Variants in KLHL29 observed in about 807,000 individuals in gnomAD.
KLHL29 encodes the protein kelch-like protein 29.
Under a neutral mutation model 80.4 loss-of-function variants are expected in KLHL29, and 21 were observed. The observed-to-expected ratio is 0.26, with a 90% CI of 0.19 to 0.38. The LOEUF (loss-of-function observed/expected upper bound fraction) is 0.38. KLHL29 is among the 10% of genes least tolerant of loss of function. The probability of loss-of-function intolerance (pLI) is 1.00; values close to 1 mark genes in which losing one functional copy is unlikely to be tolerated. For missense variants in KLHL29, 867 were observed against 1,223.9 expected (o/e 0.71, Z 4.35); for synonymous variants, 511 against 526.8 (o/e 0.97, Z 0.41).
intron 2 of KLHL29, among the ~76,000 whole-genome samples, chr2:23,550,909 T>C (rs1045794319): frequency 6.6e-6 from 1 of 152,186 alleles, no homozygotes; most frequent in African/African-American, 2.4e-5. Flanking sequence ...GAGGCGGCCC[T>C]GGGAGGGGGT....
intron 5 of KLHL29, among the ~76,000 whole-genome samples, chr2:23,674,057 T>C (rs1324164087): frequency 6.6e-6 from 1 of 152,218 alleles, no homozygotes; most frequent in Non-Finnish European, 1.5e-5. Flanking sequence ...AGTCTTCCCT[T>C]GACTCCGTCA....
chr2:23,555,747 A>T (rs972102037), intron 2 of KLHL29, among the ~76,000 whole-genome samples: 1 of 152,204 alleles, frequency 6.6e-6, no homozygotes, highest in Non-Finnish European at 1.5e-5. Flanking sequence ...GAGATAAGTG[A>T]TGGGAGGGAA....
At chr2:23,657,694 T>C (rs1670284033) in intron 5 of KLHL29, among the ~76,000 whole-genome samples, 1 of 152,188 alleles carries the variant, frequency 6.6e-6, no homozygotes, top group South Asian at 2.1e-4. Flanking sequence ...AGGTTGGGAC[T>C]CCCTGAGAGA....
intron 3 of KLHL29, among the ~76,000 whole-genome samples, chr2:23,584,583 A>G (rs1191347296): frequency 2.6e-5 from 4 of 152,180 alleles, no homozygotes; most frequent in Non-Finnish European, 1.5e-5. Context: ...GCGACATTGT[A>G]ATCCCAAACT....
chr2:23,627,089 C>T (rs1669333501), intron 3 of KLHL29, among the ~76,000 whole-genome samples: 1 of 152,154 alleles, frequency 6.6e-6, no homozygotes, highest in African/African-American at 2.4e-5. Flanking sequence ...TATCTATCTG[C>T]CCCAAGAGGG....
intron 1 of KLHL29, among the ~76,000 whole-genome samples, chr2:23,455,508 T>A (rs1664024543): frequency 6.6e-6 from 1 of 152,218 alleles, no homozygotes; most frequent in South Asian, 2.1e-4. Flanking sequence ...TTGTGAATTT[T>A]ATTTGCCTTT....
intron 2 of KLHL29, among the ~76,000 whole-genome samples, chr2:23,556,299 G>A (rs2879580): frequency 0.54 from 82,358 of 151,744 alleles, 22,664 homozygotes; most frequent in Admixed American, 0.6. Context: ...GACCCCCCTC[G>A]CGGAGGCGCA....
At chr2:23,581,502 C>T (rs1039422369) in intron 3 of KLHL29, among the ~76,000 whole-genome samples, 2 of 152,146 alleles carry the variant, frequency 1.3e-5, no homozygotes, top group Non-Finnish European at 2.9e-5. Context: ...TGGCCACGCA[C>T]ACCTGGTACT....
Position 23,693,500 on chromosome 2 carries a change from T to G in KLHL29, c.1514T>G (p.Ile505Ser), listed in dbSNP as rs1671751893. ...ELVYETVIKWIKKDPATRTQY... is the reference protein window; with the variant it reads ...ELVYETVIKWSKKDPATRTQY... ...GTGTACGAGACAGTCATCAAGTGGATCAAGAAGGACCCCGCGACACGCACA... is the reference window on the plus strand; with the variant it reads ...GTGTACGAGACAGTCATCAAGTGGAGCAAGAAGGACCCCGCGACACGCACA... The change falls in exon 8 of 14, where the codon ATC becomes AGC. Residue 505 changes from isoleucine to serine, a missense_variant. Ile to Ser is a moderately radical substitution (Grantham distance 142). Coordinates refer to ENST00000486442, the MANE Select transcript of KLHL29 (RefSeq NM_052920.2). 6.4e-7 allele frequency: 1 copy of G among 1,551,056 alleles called. No homozygotes were observed. Among genetic ancestry groups the G allele is most frequent in the African/African-American group, 1.4e-5 (1 of 72,982 alleles).
At position 23,488,003 on chromosome 2, in the gene KLHL29, C is replaced by T. The variant is rs1450974572; in HGVS notation, c.-46+12336C>T. 8.5e-5 allele frequency among the ~76,000 whole-genome samples: 13 copies of T among 152,152 alleles called. No individual in the cohort carries two copies. In the East Asian group the frequency reaches 1.3e-3, roughly 16 times the overall value. ...CCCCTTCTAGCCTTTTAACCTCCTA[C>T]GGCCAGTGATGTGGTCAGGACTGGC... On this transcript the variant is annotated intron_variant, in intron 2 of 13. Transcript: ENST00000486442.
At chr2:23,428,733 G>C (rs1358584154) in intron 1 of KLHL29, among the ~76,000 whole-genome samples, 2 of 152,286 alleles carry the variant, frequency 1.3e-5, no homozygotes, top group African/African-American at 4.8e-5. Context: ...AAACCTGAGG[G>C]CTGAATTGGA....
chr2:23,705,503 AG>A (rs1235603199), intron 13 of KLHL29, among the ~76,000 whole-genome samples: 1 of 152,070 alleles, frequency 6.6e-6, no homozygotes, highest in Non-Finnish European at 1.5e-5. Flanking sequence ...AAAAAAAAAA[AG>A]AATGGGAAAG....
intron 2 of KLHL29, among the ~76,000 whole-genome samples, chr2:23,508,395 G>A (rs1308405866): frequency 6.6e-6 from 1 of 152,232 alleles, no homozygotes; most frequent in African/African-American, 2.4e-5. Context: ...AATGCTGCCC[G>A]ATGGGACCTC....
At chr2:23,632,181 T>C (rs1290135654) in intron 3 of KLHL29, among the ~76,000 whole-genome samples, 1 of 152,264 alleles carries the variant, frequency 6.6e-6, no homozygotes, top group Non-Finnish European at 1.5e-5. Flanking sequence ...TCTTGGAATC[T>C]GCTCTCAGTG....
At position 23,692,788 on chromosome 2, in the gene KLHL29, C is replaced by T. The variant is rs112285648; in HGVS notation, c.1283-481C>T. On this transcript the variant is annotated intron_variant, in intron 7 of 13. Coordinates refer to ENST00000486442, the MANE Select transcript of KLHL29 (RefSeq NM_052920.2). ...TGGCCAGATGGACCCCAGAGCCTAG[C>T]GAGCCAGATTGAGTGGGGCAGAAGC... is the stretch of plus-strand genomic sequence containing the variant. Among the ~76,000 whole-genome samples the T allele has an allele frequency of 3.2e-3, 492 of 152,142 alleles. 6 individuals carry two copies. Among genetic ancestry groups the T allele is most frequent in the African/African-American group, 0.011 (472 of 41,494 alleles).
At chr2:23,705,027 C>G (rs993746292) in intron 13 of KLHL29, among the ~76,000 whole-genome samples, 5 of 152,236 alleles carry the variant, frequency 3.3e-5, no homozygotes, top group Non-Finnish European at 5.9e-5. Flanking sequence ...CAGACAACTG[C>G]TAAGCTCCTG....
At chr2:23,489,147 G>A (rs1032270874) in intron 2 of KLHL29, among the ~76,000 whole-genome samples, 4 of 152,170 alleles carry the variant, frequency 2.6e-5, no homozygotes, top group African/African-American at 9.7e-5. Context: ...CGTTTCCGTG[G>A]GCTCTAACAA....
chr2:23,532,442 G>A (rs983249390), intron 2 of KLHL29: 17 of 399,630 alleles, frequency 4.3e-5, no homozygotes, highest in African/African-American at 2.5e-4. Flanking sequence ...GGGAGCCCAC[G>A]CACCCTCTGC....
chr2:23,436,202 T>A (rs144101501), intron 1 of KLHL29, among the ~76,000 whole-genome samples: 102 of 152,108 alleles, frequency 6.7e-4, no homozygotes, highest in African/African-American at 2.4e-3. Flanking sequence ...TTCCCCGCAG[T>A]GCCTAGATGG....
Sources: gnomAD v4.1 joint callset for allele counts (sites outside exome capture counted in the v4.1 genomes callset) on GRCh38, gnomAD v4.1.1 for gene constraint, MANE v1.5 for transcripts, NCBI Gene and HGNC (gene_info 2026-07-23, HGNC 2026-07-21) for gene names.